The following PYROXD1 variants were observed in gnomAD, a reference collection of about 807,000 sequenced individuals.
The protein encoded by PYROXD1 is tRNA ligase complex-associated NAD(P)H dehydrogenase PYROXD1.
Under a neutral mutation model 62.0 loss-of-function variants are expected in PYROXD1, and 42 were observed. The observed-to-expected ratio is 0.68, with a 90% CI of 0.53 to 0.88. PYROXD1 has a LOEUF of 0.88. Among genes scored for constraint, PYROXD1 ranks in the 40% least tolerant of loss-of-function variants. The pLI, the probability that PYROXD1 is intolerant of heterozygous loss-of-function variation, is 0.00. For synonymous variants in PYROXD1, 170 were observed against 206.4 expected, an observed-to-expected ratio of 0.82 and a Z score of 1.51; for missense variants, 493 against 604.8, an observed-to-expected ratio of 0.82 and a Z score of 1.94.
At chr12:21,464,348 C>G (rs997711695) in intron 10 of PYROXD1, among the ~76,000 whole-genome samples, 4 of 151,868 alleles carry the variant, frequency 2.6e-5, no homozygotes, top group African/African-American at 9.7e-5. Context: ...TAGCTGTTCT[C>G]TAGTTGTTAC....
intron 7 of PYROXD1, among the ~76,000 whole-genome samples, chr12:21,460,563 A>G (rs1267790031): frequency 2.0e-5 from 3 of 151,864 alleles, no homozygotes; most frequent in Admixed American, 1.3e-4. Context: ...AGCTGGGACT[A>G]CAGGCGCACA....
Position 21,445,282 on chromosome 12 carries a change from T to C in PYROXD1, c.166-65T>C, listed in dbSNP as rs1485088386. 6.4e-6 allele frequency: 9 copies of C among 1,415,320 alleles called. No homozygotes were observed. In the African/African-American group the frequency reaches 1.3e-4, roughly 21 times the overall value. The allele number at this position is 1,415,320 out of a possible 1,614,324, so 87.7% of individuals were successfully genotyped here. A position where few individuals can be genotyped will look rare whatever the true frequency, so the allele number is the denominator to read the frequency against. On this transcript the variant is annotated intron_variant, in intron 2 of 11. Transcript: ENST00000240651. Reference sequence around the variant, plus strand: ...GTGTGTAAAAGCAAAGTATTTTTATTATTTAAGATTCTTGAAAGAAAATAC... The same window carrying C: ...GTGTGTAAAAGCAAAGTATTTTTATCATTTAAGATTCTTGAAAGAAAATAC...
chr12:21,465,463 ATCT>A (rs1245442745), intron 10 of PYROXD1, among the ~76,000 whole-genome samples: 1 of 151,108 alleles, frequency 6.6e-6, no homozygotes, highest in Non-Finnish European at 1.5e-5. Context: ...CTGCATAAAT[ATCT>A]TCTTTTGAGA....
chr12:21,455,944 A>G lies in PYROXD1; in HGVS notation c.650-51A>G, dbSNP rs751168075. On this transcript the variant is annotated intron_variant, in intron 6 of 11. Coordinates refer to ENST00000240651, the MANE Select transcript of PYROXD1 (RefSeq NM_024854.5). Reference sequence around the variant, plus strand: ...CTAAATAAAAAACTTCAGAACACTAACATATTTCTCTATCTGGTAATTTTT... The same window carrying G: ...CTAAATAAAAAACTTCAGAACACTAGCATATTTCTCTATCTGGTAATTTTT... 8 of 1,207,338 alleles carry G rather than the reference A, an allele frequency of 6.6e-6. No homozygotes were observed. In the African/African-American group the frequency reaches 1.1e-4, roughly 16 times the overall value. The allele number at this position is 1,207,338 out of a possible 1,614,324, so 74.8% of individuals were successfully genotyped here. A position where few individuals can be genotyped will look rare whatever the true frequency, so the allele number is the denominator to read the frequency against.
In PYROXD1 at chr12:21,467,710, CAT is replaced by C. The variant is rs562432089; in HGVS notation, c.1254+94_1254+95del. The C allele has an allele frequency of 2.6e-4, 259 of 1,007,426 alleles. 2 individuals are homozygous for C. In the East Asian group the frequency reaches 6.1e-3, roughly 24 times the overall value. 62.4% of individuals were successfully genotyped at this position (1,007,426 alleles called of 1,614,324 possible). ...ATTTTCTTGCTTGAATAAAAACGTACATAGTTTTAATCATCTACAAAAAAATG... is the reference window on the plus strand; with the variant it reads ...ATTTTCTTGCTTGAATAAAAACGTACAGTTTTAATCATCTACAAAAAAATG... On this transcript the variant is annotated intron_variant, in intron 11 of 11. Coordinates refer to ENST00000240651, the MANE Select transcript of PYROXD1 (RefSeq NM_024854.5).
At chr12:21,454,582 A>T (rs1942561069) in intron 5 of PYROXD1, among the ~76,000 whole-genome samples, 1 of 151,970 alleles carries the variant, frequency 6.6e-6, no homozygotes. Flanking sequence ...TACCATTTTC[A>T]TTCTTTCCTT....
Position 21,445,341 on chromosome 12 carries a change from A to G in PYROXD1, c.166-6A>G, listed in dbSNP as rs375425872. ...TATACATTTTTAATCTCTTGGATCT[A>G]TACAGATTTCTAAAATATTGGAAGA... On this transcript the variant is annotated splice_region_variant and splice_polypyrimidine_tract_variant and intron_variant, in intron 2 of 11. Coordinates refer to ENST00000240651, the MANE Select transcript of PYROXD1 (RefSeq NM_024854.5). 5.7e-6 allele frequency: 9 copies of G among 1,584,708 alleles called. No homozygotes were observed. In the African/African-American group the frequency reaches 8.2e-5, roughly 14 times the overall value.
chr12:21,444,933 T>C (rs1384017564), intron 2 of PYROXD1, among the ~76,000 whole-genome samples: 1 of 152,114 alleles, frequency 6.6e-6, no homozygotes, highest in African/African-American at 2.4e-5. Flanking sequence ...GAAAGGAAAG[T>C]GAGTCTAGAA....
Position 21,470,363 on chromosome 12 carries a change from A to C in PYROXD1, c.*1609A>C, listed in dbSNP as rs1201010358. The C allele has an allele frequency of 3.3e-6, 5 of 1,535,046 alleles. No homozygotes were observed. In the South Asian group the frequency reaches 3.7e-5, roughly 11 times the overall value. On this transcript the variant is annotated 3_prime_UTR_variant, in exon 12 of 12. Transcript: ENST00000240651. ...CGATTCAGCCTACAAAAAAAAAAAA[A>C]AAACAAAGCAAGCACCTTGGTAAAA...
chr12:21,456,876 G>A lies in PYROXD1; in HGVS notation c.750+781G>A, dbSNP rs1244048838. 5.7e-5 allele frequency: 26 copies of A among 455,094 alleles called. No individual in the cohort carries two copies. In the Admixed American group the frequency reaches 6.2e-4, roughly 11 times the overall value. The allele number at this position is 455,094 out of a possible 1,614,324, so 28.2% of individuals were successfully genotyped here. A position where few individuals can be genotyped will look rare whatever the true frequency, so the allele number is the denominator to read the frequency against. ...CTTCATCATTTCAGCAATACTCACA[G>A]CATCCTCACCAGAAGTAAACTCCAT... On this transcript the variant is annotated intron_variant, in intron 7 of 11. Transcript: ENST00000240651.
chr12:21,444,798 A>T (rs2137246431), intron 2 of PYROXD1, among the ~76,000 whole-genome samples: 1 of 152,316 alleles, frequency 6.6e-6, no homozygotes, highest in Middle Eastern at 3.4e-3. Context: ...TGGGCTTAGG[A>T]CTAGAGCAAG....
intron 2 of PYROXD1, 39 bp from the exon 3 acceptor site, chr12:21,445,308 T>C: frequency 6.7e-7 from 1 of 1,485,970 alleles, no homozygotes; most frequent in Non-Finnish European, 9.0e-7. Context: ...AAGAAAATAC[T>C]TTAAAAATAT....
chr12:21,452,256 C>G, intron 5 of PYROXD1, 102 bp downstream of exon 5: 3 of 772,584 alleles, frequency 3.9e-6, no homozygotes, highest in Non-Finnish European at 5.6e-6. Flanking sequence ...TGTTGGCAGA[C>G]TGGAAAATGT....
chr12:21,463,812 A>G (rs556262973), intron 10 of PYROXD1, among the ~76,000 whole-genome samples: 122 of 152,244 alleles, frequency 8.0e-4, no homozygotes, highest in African/African-American at 2.9e-3. Flanking sequence ...CGGTGGAACA[A>G]AAATACTAGA....
intron 2 of PYROXD1, among the ~76,000 whole-genome samples, chr12:21,443,516 C>CT (rs555118819): frequency 1.3e-5 from 2 of 151,660 alleles, no homozygotes; most frequent in South Asian, 2.1e-4. Context: ...CATCTCCAAA[C>CT]TTTTTTTTTC....
At chr12:21,467,438 A>G (rs975419709) in intron 10 of PYROXD1, 43 bp from the exon 11 acceptor site, 3 of 1,552,118 alleles carry the variant, frequency 1.9e-6, no homozygotes, top group African/African-American at 2.8e-5. Flanking sequence ...TCAGATAATG[A>G]TCATGAAAAA....
intron 2 of PYROXD1, among the ~76,000 whole-genome samples, chr12:21,440,784 A>G (rs1026722774): frequency 1.3e-5 from 2 of 152,126 alleles, no homozygotes; most frequent in Non-Finnish European, 2.9e-5. Flanking sequence ...TCCATTCAAT[A>G]TATTATTAGC....
chr12:21,452,858 A>AGG (rs1403959874), intron 5 of PYROXD1, among the ~76,000 whole-genome samples: 1 of 151,556 alleles, frequency 6.6e-6, no homozygotes, highest in Non-Finnish European at 1.5e-5. Context: ...AATCAAAATA[A>AGG]GGACTCTGCC....
rs138589316 is a variant in PYROXD1, at chr12:21,460,824, T to C, written c.751-201T>C. The C allele has an allele frequency of 1.6e-3, 545 of 345,848 alleles. 3 individuals carry two copies. The highest frequency in any genetic ancestry group is 9.7e-3 in the African/African-American group (462 of 47,478). The allele number at this position is 345,848 out of a possible 1,614,324, so 21.4% of individuals were successfully genotyped here. A position where few individuals can be genotyped will look rare whatever the true frequency, so the allele number is the denominator to read the frequency against. On this transcript the variant is annotated intron_variant, in intron 7 of 11. Transcript: ENST00000240651. ...TCTGCTAATGCAGCTACCAGATCTCTTAAGTTACTGAATGAATTTTTGTTC... is the reference window on the plus strand; with the variant it reads ...TCTGCTAATGCAGCTACCAGATCTCCTAAGTTACTGAATGAATTTTTGTTC...
Sources: allele counts gnomAD v4.1 joint callset (sites outside exome capture counted in the v4.1 genomes callset), GRCh38; gene constraint gnomAD v4.1.1; transcripts MANE v1.5; gene names NCBI Gene and HGNC (gene_info 2026-07-23, HGNC 2026-07-21).